The following ADAMTS17 variants were observed in gnomAD, a reference collection of about 807,000 sequenced individuals.
ADAMTS17 encodes ADAM metallopeptidase with thrombospondin type 1 motif 17.
In ADAMTS17, 113 loss-of-function variants were observed where a neutral mutation model predicts 141.5. The ratio of observed to expected loss-of-function variants is 0.80; its 90% CI spans 0.69 to 0.93. The LOEUF (loss-of-function observed/expected upper bound fraction) is 0.93, where lower values mean the gene tolerates loss of function less well. Ranked by LOEUF, ADAMTS17 falls within the 40% of genes least tolerant of loss-of-function variation. The probability of loss-of-function intolerance (pLI) is 0.00; values close to 1 mark genes in which losing one functional copy is unlikely to be tolerated. For missense variants in ADAMTS17, 1,659 were observed against 1,517.9 expected, an observed-to-expected ratio of 1.09 and a Z score of -1.54; for synonymous variants, 768 against 630.6, an observed-to-expected ratio of 1.22 and a Z score of -3.27.
chr15:100,102,903 C>T (rs144463161), intron 14 of ADAMTS17, among the ~76,000 whole-genome samples: 2 of 152,274 alleles, frequency 1.3e-5, no homozygotes, highest in Admixed American at 6.5e-5. Context: ...TCTTCACTTC[C>T]GACCCTCCAT....
intron 14 of ADAMTS17, among the ~76,000 whole-genome samples, chr15:100,105,016 G>T (rs960057151): frequency 6.6e-6 from 1 of 152,234 alleles, no homozygotes; most frequent in African/African-American, 2.4e-5. Flanking sequence ...AACCTTTACA[G>T]TATCTGTCTG....
At chr15:100,172,621 T>C (rs1474052758) in intron 8 of ADAMTS17, among the ~76,000 whole-genome samples, 1 of 152,060 alleles carries the variant, frequency 6.6e-6, no homozygotes, top group African/African-American at 2.4e-5. Context: ...CCCACCAAAC[T>C]ATTCACCCCA....
intron 18 of ADAMTS17, among the ~76,000 whole-genome samples, chr15:100,003,074 TG>T (rs1299047498): frequency 1.3e-5 from 2 of 152,030 alleles, no homozygotes; most frequent in Non-Finnish European, 2.9e-5. Flanking sequence ...TCTCATGTCC[TG>T]GGGCCCCTGG....
chr15:100,267,454 C>G (rs1469059626), intron 4 of ADAMTS17, among the ~76,000 whole-genome samples: 1 of 152,128 alleles, frequency 6.6e-6, no homozygotes, highest in Non-Finnish European at 1.5e-5. Flanking sequence ...TGTACAGATA[C>G]CTCTTCCAGG....
At chr15:100,017,469 C>A (rs2061313272) in intron 18 of ADAMTS17, among the ~76,000 whole-genome samples, 1 of 152,244 alleles carries the variant, frequency 6.6e-6, no homozygotes, top group Non-Finnish European at 1.5e-5. Context: ...TGGCCTCCCT[C>A]CCGATGGATC....
intron 15 of ADAMTS17, among the ~76,000 whole-genome samples, chr15:100,078,932 A>T (rs1448437223): frequency 6.6e-6 from 1 of 152,234 alleles, no homozygotes; most frequent in Non-Finnish European, 1.5e-5. Flanking sequence ...CGCAAAAAAG[A>T]TATATGAACA....
intron 3 of ADAMTS17, among the ~76,000 whole-genome samples, chr15:100,315,072 C>T (rs1049822934): frequency 6.6e-6 from 1 of 152,174 alleles, no homozygotes; most frequent in Non-Finnish European, 1.5e-5. Flanking sequence ...TGGGGCAGGT[C>T]CCAGGTGGGA....
intron 7 of ADAMTS17, among the ~76,000 whole-genome samples, chr15:100,244,413 C>T (rs113942540): frequency 0.011 from 1,549 of 139,192 alleles, 25 homozygotes; most frequent in African/African-American, 0.035. Context: ...CTTACTGATA[C>T]AGTTTGGCTG....
chr15:100,064,534 TC>T lies in ADAMTS17; in HGVS notation c.2138-10481del, dbSNP rs746795676. 2.5e-4 allele frequency among the ~76,000 whole-genome samples: 38 copies of T among 152,294 alleles called. 1 individual carries two copies. Among genetic ancestry groups the T allele is most frequent in the Middle Eastern group, 3.4e-3 (1 of 294 alleles). ...TTGTATTTTGAACTTTCCCTGAACA[TC>T]CGTGGGATGACAGCAGAAACCAAGC... On this transcript the variant is annotated intron_variant, in intron 15 of 21. Coordinates refer to ENST00000268070, the MANE Select transcript of ADAMTS17 (RefSeq NM_139057.4).
rs377108599 is a variant in ADAMTS17 at position 100,132,131 on chromosome 15, C to T, written c.1597G>A (p.Val533Met). 85 of 1,613,874 alleles carry T rather than the reference C, an allele frequency of 5.3e-5. 1 individual carries two copies. Among genetic ancestry groups the T allele is most frequent in the Admixed American group, 1.7e-4 (10 of 60,014 alleles). ...ADKWCRAGEC[V>M]SKTPIPEHVD... ...TGCTCCGGGATGGGCGTCTTGCTCA[C>T]GCACTCCCCCGCGCGGCACCACTGA... Residue 533 changes from valine to methionine, a missense_variant, in exon 12 of 22, where the codon GTG (valine) becomes ATG (methionine). By Grantham distance (21) the Val-to-Met change is conservative. Coordinates refer to ENST00000268070, the MANE Select transcript of ADAMTS17 (RefSeq NM_139057.4).
At chr15:100,238,404 G>A (rs2042724828) in intron 7 of ADAMTS17, among the ~76,000 whole-genome samples, 2 of 152,174 alleles carry the variant, frequency 1.3e-5, no homozygotes, top group African/African-American at 2.4e-5. Flanking sequence ...CCTTTGTTTG[G>A]TGCCTTGAGT....
In ADAMTS17 at chr15:100,055,690, G is replaced by T. The variant is rs76755223; in HGVS notation, c.2138-1636C>A. On this transcript the variant is annotated intron_variant, in intron 15 of 21. Transcript: ENST00000268070. ...ATCCAACCCACAACTGAACTGTCCT[G>T]GCTATGAAAAGGAGGTGAGAATGTT... Among the ~76,000 whole-genome samples, 1,516 of 152,312 alleles carry T rather than the reference G, an allele frequency of 1.0e-2. 15 individuals are homozygous for T. Among genetic ancestry groups the T allele is most frequent in the South Asian group, 0.031 (151 of 4,824 alleles).
At chr15:100,262,229 A>G in intron 5 of ADAMTS17, 123 bp downstream of exon 5, 1 of 871,846 alleles carries the variant, frequency 1.1e-6, no homozygotes, top group Non-Finnish European at 1.8e-6. Context: ...CACGCTGGCA[A>G]AGCCACAGAG....
chr15:100,002,122 T>G (rs2060940251), intron 18 of ADAMTS17, among the ~76,000 whole-genome samples: 1 of 151,958 alleles, frequency 6.6e-6, no homozygotes, highest in African/African-American at 2.4e-5. Context: ...GCAGCCAGAT[T>G]AAACATATTA....
chr15:100,156,220 ACT>A (rs1174569238), intron 8 of ADAMTS17, among the ~76,000 whole-genome samples: 6 of 152,126 alleles, frequency 3.9e-5, no homozygotes, highest in Non-Finnish European at 8.8e-5. Flanking sequence ...AGGTTTCTAA[ACT>A]CTGCTCTAGA....
At chr15:100,257,741 AT>A (rs1207900476) in intron 6 of ADAMTS17, among the ~76,000 whole-genome samples, 2 of 152,176 alleles carry the variant, frequency 1.3e-5, no homozygotes, top group Non-Finnish European at 2.9e-5. Flanking sequence ...TTTACTACTA[AT>A]TTTTTTATTG....
chr15:100,093,695 G>T (rs901138613), intron 15 of ADAMTS17, among the ~76,000 whole-genome samples: 9 of 152,056 alleles, frequency 5.9e-5, no homozygotes, highest in African/African-American at 2.2e-4. Context: ...TAGGTCTGGT[G>T]CCCCACCAGA....
intron 3 of ADAMTS17, among the ~76,000 whole-genome samples, chr15:100,320,748 C>G (rs1249462662): frequency 1.3e-5 from 2 of 152,050 alleles, no homozygotes; most frequent in Non-Finnish European, 2.9e-5. Flanking sequence ...TAGGAGGATC[C>G]CTTAAGCCTG....
chr15:100,081,324 C>T (rs1365398424), intron 15 of ADAMTS17, among the ~76,000 whole-genome samples: 5 of 152,076 alleles, frequency 3.3e-5, no homozygotes, highest in African/African-American at 9.7e-5. Flanking sequence ...GTTGTGATTA[C>T]GTAAGTTAAT....
Sources: allele counts gnomAD v4.1 joint callset (sites outside exome capture counted in the v4.1 genomes callset), GRCh38; gene constraint gnomAD v4.1.1; transcripts MANE v1.5; gene names NCBI Gene and HGNC (gene_info 2026-07-23, HGNC 2026-07-21).